The following CADPS2 variants were observed in gnomAD, a reference collection of about 807,000 sequenced individuals.
CADPS2 encodes the protein calcium dependent secretion activator 2, also known as calcium-dependent secretion activator 2.
Under a neutral mutation model 172.5 loss-of-function variants are expected in CADPS2, and 93 were observed. That is an observed-to-expected ratio of 0.54 (90% CI 0.46 to 0.64). The LOEUF (loss-of-function observed/expected upper bound fraction) is 0.64, where lower values mean the gene tolerates loss of function less well. CADPS2 is among the 30% of genes least tolerant of loss of function. The probability of loss-of-function intolerance (pLI) is 0.00; values close to 1 mark genes in which losing one functional copy is unlikely to be tolerated. For synonymous variants in CADPS2, 546 were observed against 555.2 expected (o/e 0.98, Z 0.23); for missense variants, 1,420 against 1,565.9 (o/e 0.91, Z 1.57).
In CADPS2 at chr7:122,474,528, A is replaced by C; in HGVS notation, c.1862-11T>G. ...GAAAACGATCTGCATCTGTAAATTC[A>C]GGAAAGCATGTACAGTATATTTACT... On this transcript the variant is annotated splice_polypyrimidine_tract_variant and intron_variant, in intron 12 of 29. Coordinates refer to ENST00000449022, the MANE Select transcript of CADPS2 (RefSeq NM_017954.11). The C allele has an allele frequency of 6.2e-7, 1 of 1,610,530 alleles. No homozygotes were observed. Among genetic ancestry groups the C allele is most frequent in the South Asian group, 1.1e-5 (1 of 90,768 alleles).
intron 1 of CADPS2, among the ~76,000 whole-genome samples, chr7:122,863,653 T>C (rs889089890): frequency 6.6e-6 from 1 of 152,216 alleles, no homozygotes; most frequent in African/African-American, 2.4e-5. Flanking sequence ...AATCAACATA[T>C]ATGTAGCTGT....
intron 1 of CADPS2, among the ~76,000 whole-genome samples, chr7:122,804,099 T>A (rs37888): frequency 0.44 from 66,253 of 151,506 alleles, 16,888 homozygotes; most frequent in African/African-American, 0.72. Context: ...CTCTCTTATC[T>A]CTGGTTCCTG....
intron 3 of CADPS2, among the ~76,000 whole-genome samples, chr7:122,662,798 A>G (rs1588222258): frequency 6.6e-6 from 1 of 152,222 alleles, no homozygotes; most frequent in Non-Finnish European, 1.5e-5. Flanking sequence ...TGGATGAGTT[A>G]AATAAAAAAA....
At chr7:122,629,954 C>T (rs1587965945) in intron 3 of CADPS2, among the ~76,000 whole-genome samples, 1 of 152,080 alleles carries the variant, frequency 6.6e-6, no homozygotes, top group East Asian at 1.9e-4. Context: ...TTAGAAATCT[C>T]CCATTTACAT....
intron 29 of CADPS2, among the ~76,000 whole-genome samples, chr7:122,323,873 TTATATATATATATATATATATA>T (rs71159788): frequency 0.014 from 1,581 of 112,488 alleles, 32 homozygotes; most frequent in Non-Finnish European, 0.02. Flanking sequence ...TATGTATATT[TTATATATATATATATATATATA>T]TATATATATA....
chr7:122,548,155 T>TC (rs1172746070), intron 8 of CADPS2, among the ~76,000 whole-genome samples: 1 of 151,824 alleles, frequency 6.6e-6, no homozygotes, highest in African/African-American at 2.4e-5. Context: ...ATCACCTGAG[T>TC]CCAGGAGTTC....
chr7:122,485,089 G>C (rs1056209175), intron 11 of CADPS2, among the ~76,000 whole-genome samples: 5 of 152,122 alleles, frequency 3.3e-5, no homozygotes, highest in African/African-American at 1.2e-4. Context: ...TGTTCTGACT[G>C]TTCCCCATCT....
intron 1 of CADPS2, among the ~76,000 whole-genome samples, chr7:122,823,487 A>T (rs1803986401): frequency 6.6e-6 from 1 of 151,864 alleles, no homozygotes; most frequent in Non-Finnish European, 1.5e-5. Context: ...AATGCCTCTC[A>T]TATGATTTAA....
intron 3 of CADPS2, among the ~76,000 whole-genome samples, chr7:122,644,900 T>A (rs929995106): frequency 1.3e-5 from 2 of 152,118 alleles, no homozygotes; most frequent in African/African-American, 4.8e-5. Context: ...TTCTAAATTA[T>A]GCATTAAAAA....
At chr7:122,542,742 T>C (rs1456861755) in intron 8 of CADPS2, among the ~76,000 whole-genome samples, 1 of 152,094 alleles carries the variant, frequency 6.6e-6, no homozygotes, top group Non-Finnish European at 1.5e-5. Flanking sequence ...CTGTTCATCA[T>C]AGTCTACATC....
chr7:122,621,576 A>C lies in CADPS2; in HGVS notation c.1009T>G (p.Leu337Val). 6.2e-7 allele frequency: 1 copy of C among 1,613,882 alleles called. No individual in the cohort carries two copies. The highest frequency in any genetic ancestry group is 8.5e-7 in the Non-Finnish European group (1 of 1,179,836). The change falls in exon 5 of 30, where the codon TTA becomes GTA. Residue 337 changes from leucine (L) to valine (V), a missense_variant. Transcript: ENST00000449022. Reference sequence around the variant, plus strand: ...AATGCAGAGTTCTGTGAACGTTTTAATTTTTGTAATTTAAATTCCGGACCA... The same window carrying C: ...AATGCAGAGTTCTGTGAACGTTTTACTTTTTGTAATTTAAATTCCGGACCA... ...KGGPEFKLQK[L>V]KRSQNSAFLD... is the part of the protein sequence containing the mutation.
intron 25 of CADPS2, among the ~76,000 whole-genome samples, chr7:122,373,086 A>G (rs2041959614): frequency 1.3e-5 from 2 of 152,364 alleles, no homozygotes; most frequent in East Asian, 3.9e-4. Context: ...GTACAGTTAC[A>G]GTGGCAGTTT....
At chr7:122,710,989 A>G (rs2088614672) in intron 2 of CADPS2, among the ~76,000 whole-genome samples, 1 of 152,144 alleles carries the variant, frequency 6.6e-6, no homozygotes, top group Admixed American at 6.6e-5. Context: ...TTTCTCTTCA[A>G]AATATTAAGA....
At chr7:122,518,147 G>C (rs1186868028) in intron 8 of CADPS2, among the ~76,000 whole-genome samples, 1 of 151,776 alleles carries the variant, frequency 6.6e-6, no homozygotes, top group East Asian at 1.9e-4. Context: ...ACAGAAACAT[G>C]AGTTACTCTA....
At chr7:122,383,874 C>T (rs1171103850) in intron 24 of CADPS2, among the ~76,000 whole-genome samples, 3 of 152,096 alleles carry the variant, frequency 2.0e-5, no homozygotes, top group African/African-American at 4.8e-5. Context: ...TTTAATTTAA[C>T]TGAGAACAAA....
intron 22 of CADPS2, among the ~76,000 whole-genome samples, chr7:122,392,729 T>C (rs989214957): frequency 2.0e-5 from 3 of 152,164 alleles, no homozygotes; most frequent in African/African-American, 7.2e-5. Flanking sequence ...TGCAGTACTG[T>C]TTTTTAAAAG....
chr7:122,571,235 G>C (rs1413051069), intron 7 of CADPS2, among the ~76,000 whole-genome samples: 1 of 152,022 alleles, frequency 6.6e-6, no homozygotes, highest in Non-Finnish European at 1.5e-5. Flanking sequence ...ATGGCAAAAA[G>C]ATGCTAAACA....
intron 2 of CADPS2, among the ~76,000 whole-genome samples, chr7:122,730,627 A>G (rs927825595): frequency 6.6e-6 from 1 of 151,756 alleles, no homozygotes; most frequent in Admixed American, 6.6e-5. Flanking sequence ...AAAGTATGCT[A>G]ATGTCATATA....
rs958834427 is a variant in CADPS2 at position 122,836,030 on chromosome 7, A to G, written c.339+49969T>C. ...AAAAATGTTAAGGGCAGCCAGAGAG[A>G]AAGGTCGGGTTACCCACAAAGGGAA... On this transcript the variant is annotated intron_variant, in intron 1 of 29. Coordinates refer to ENST00000449022, the MANE Select transcript of CADPS2 (RefSeq NM_017954.11). Among the ~76,000 whole-genome samples the G allele has an allele frequency of 3.3e-5, 5 of 152,218 alleles. No individual in the cohort carries two copies. In the East Asian group the frequency reaches 9.6e-4, roughly 29 times the overall value.
Sources: allele counts gnomAD v4.1 joint callset (sites outside exome capture counted in the v4.1 genomes callset), GRCh38; gene constraint gnomAD v4.1.1; transcripts MANE v1.5; gene names NCBI Gene and HGNC (gene_info 2026-07-23, HGNC 2026-07-21).